PRKCB: variants seen among roughly 807,000 people sequenced by gnomAD.
PRKCB encodes protein kinase C beta type.
A neutral mutation model predicts 81.5 loss-of-function variants in PRKCB; 13 were observed. The observed-to-expected ratio is 0.16, with a 90% CI of 0.10 to 0.25. The LOEUF (loss-of-function observed/expected upper bound fraction) is 0.25, where lower values mean the gene tolerates loss of function less well. Among genes scored for constraint, PRKCB ranks in the 10% least tolerant of loss-of-function variants. PRKCB has a pLI of 1.00. For missense variants in PRKCB, 509 were observed against 875.7 expected, an observed-to-expected ratio of 0.58 and a Z score of 5.29; for synonymous variants, 335 against 321.4, an observed-to-expected ratio of 1.04 and a Z score of -0.45.
intron 5 of PRKCB, among the ~76,000 whole-genome samples, chr16:24,048,900 A>T (rs1441761572): frequency 6.6e-6 from 1 of 151,898 alleles, no homozygotes; most frequent in African/African-American, 2.4e-5. Context: ...TCTCTCCATT[A>T]TATGGTGAGG....
At chr16:23,882,750 CTTTT>C (rs61020074) in intron 2 of PRKCB, among the ~76,000 whole-genome samples, 36 of 105,156 alleles carry the variant, frequency 3.4e-4, no homozygotes, top group African/African-American at 6.2e-4. Context: ...ATACAAATAT[CTTTT>C]TTTTTTTTTT....
intron 16 of PRKCB, among the ~76,000 whole-genome samples, chr16:24,209,376 ACG>A (rs1056798732): frequency 6.6e-6 from 1 of 152,060 alleles, no homozygotes; most frequent in Admixed American, 6.6e-5. Flanking sequence ...CCCCGATGCC[ACG>A]GCCACCAATC....
intron 10 of PRKCB, among the ~76,000 whole-genome samples, chr16:24,159,875 C>T (rs1478809608): frequency 6.6e-6 from 1 of 152,032 alleles, no homozygotes; most frequent in Admixed American, 6.6e-5. Context: ...GTCCCACCTA[C>T]CCAGGAGGCT....
intron 2 of PRKCB, among the ~76,000 whole-genome samples, chr16:23,912,568 A>AGTG (rs1963677996): frequency 8.8e-6 from 1 of 113,050 alleles, no homozygotes; most frequent in African/African-American, 3.5e-5. Flanking sequence ...GCTGGAGTGC[A>AGTG]GTGGCGTGAT....
At chr16:23,974,982 C>G (rs370943116) in intron 2 of PRKCB, among the ~76,000 whole-genome samples, 4 of 152,222 alleles carry the variant, frequency 2.6e-5, no homozygotes, top group Non-Finnish European at 4.4e-5. Context: ...AGGGGAAAGC[C>G]GGGCACCTCG....
intron 2 of PRKCB, among the ~76,000 whole-genome samples, chr16:23,970,520 C>A (rs571435842): frequency 2.2e-4 from 34 of 152,324 alleles, no homozygotes; most frequent in African/African-American, 8.2e-4. Context: ...GTGAAGGCAC[C>A]AAACCCTCAC....
chr16:24,104,639 A>G (rs1239782793), intron 7 of PRKCB, among the ~76,000 whole-genome samples: 2 of 152,216 alleles, frequency 1.3e-5, no homozygotes, highest in African/African-American at 4.8e-5. Flanking sequence ...GGTAACATAG[A>G]GCAAAGATCT....
chr16:24,041,031 C>A (rs1006011684), intron 5 of PRKCB, among the ~76,000 whole-genome samples: 1 of 151,202 alleles, frequency 6.6e-6, no homozygotes, highest in Non-Finnish European at 1.5e-5. Flanking sequence ...GTGAAGCCTG[C>A]GTGTTCATAC....
intron 3 of PRKCB, among the ~76,000 whole-genome samples, chr16:24,012,810 C>A (rs146689466): frequency 2.2e-4 from 33 of 152,348 alleles, no homozygotes; most frequent in African/African-American, 7.9e-4. Flanking sequence ...CGTGCTCTGG[C>A]GTCAGGGTCC....
chr16:24,054,202 C>T (rs1472616963), intron 5 of PRKCB, among the ~76,000 whole-genome samples: 1 of 152,120 alleles, frequency 6.6e-6, no homozygotes, highest in Non-Finnish European at 1.5e-5. Flanking sequence ...GTTTCAAACT[C>T]CTGGCCTCAA....
rs1315832693 is a variant in PRKCB at position 24,219,412 on chromosome 16, G to A, written c.*4596G>A. The A allele has an allele frequency of 2.0e-6, 2 of 985,622 alleles. No homozygotes were observed. Among genetic ancestry groups the A allele is most frequent in the East Asian group, 1.1e-4 (1 of 8,812 alleles). 61.1% of individuals were successfully genotyped at this position (985,622 alleles called of 1,614,324 possible). A position where few individuals can be genotyped will look rare whatever the true frequency, so the allele number is the denominator to read the frequency against. Reference sequence around the variant, plus strand: ...TAGACTGTGGGTGGATTTTCGAGCTGACGGTGGTCAATTCCTTTCATTAAG... The same window carrying A: ...TAGACTGTGGGTGGATTTTCGAGCTAACGGTGGTCAATTCCTTTCATTAAG... On this transcript the variant is annotated 3_prime_UTR_variant, in exon 17 of 17. Coordinates refer to ENST00000643927, the MANE Select transcript of PRKCB (RefSeq NM_002738.7).
In PRKCB at chr16:24,216,649, T is replaced by C; in HGVS notation, c.*1833T>C. On this transcript the variant is annotated 3_prime_UTR_variant, in exon 17 of 17. Coordinates refer to ENST00000643927, the MANE Select transcript of PRKCB (RefSeq NM_002738.7). ...AAGTCTCCTGCAGTTCATCCTTCTC[T>C]GTCCTCTTCTTGCTTCAGGCTTGGG... 1 of 984,692 alleles carries C rather than the reference T, an allele frequency of 1.0e-6. No individual in the cohort carries two copies. Among genetic ancestry groups the C allele is most frequent in the Non-Finnish European group, 1.2e-6 (1 of 829,846 alleles). The allele number at this position is 984,692 out of a possible 1,614,324, so 61.0% of individuals were successfully genotyped here.
intron 7 of PRKCB, among the ~76,000 whole-genome samples, chr16:24,096,460 C>T (rs912741384): frequency 7.3e-5 from 11 of 151,668 alleles, no homozygotes; most frequent in African/African-American, 2.4e-4. Context: ...TCCATGGACA[C>T]TAGAGTGGCT....
At chr16:23,981,855 C>T (rs1461002956) in intron 2 of PRKCB, among the ~76,000 whole-genome samples, 4 of 6,012 alleles carry the variant, frequency 6.7e-4, no homozygotes, top group African/African-American at 1.1e-3. Context: ...TCCCCTTCCC[C>T]TTCCCCTCCC....
intron 3 of PRKCB, among the ~76,000 whole-genome samples, chr16:24,014,408 C>T (rs1424439114): frequency 1.3e-5 from 2 of 152,180 alleles, no homozygotes; most frequent in East Asian, 3.8e-4. Flanking sequence ...ACAACCCGGC[C>T]TGCACAGGAA....
intron 2 of PRKCB, among the ~76,000 whole-genome samples, chr16:23,905,163 G>A (rs1227207750): frequency 6.6e-6 from 1 of 151,800 alleles, no homozygotes; most frequent in Non-Finnish European, 1.5e-5. Flanking sequence ...GAATGTGGCC[G>A]CAGGGCTGCC....
intron 5 of PRKCB, among the ~76,000 whole-genome samples, chr16:24,038,937 A>G (rs1371203245): frequency 1.3e-5 from 2 of 152,078 alleles, no homozygotes; most frequent in African/African-American, 4.8e-5. Flanking sequence ...CCAGATTTGT[A>G]TCTTAAAGCC....
rs541214364 is a variant in PRKCB at position 24,108,754 on chromosome 16, T to G, written c.822-4219T>G. ...TGAAAAGTCTCCCATGTCTACTTCT[T>G]TCTACACAGACACGGCAACCATCCG... On this transcript the variant is annotated intron_variant, in intron 7 of 16. Coordinates refer to ENST00000643927, the MANE Select transcript of PRKCB (RefSeq NM_002738.7). Among the ~76,000 whole-genome samples the G allele has an allele frequency of 5.6e-3, 839 of 150,630 alleles. 1 individual carries two copies. Among genetic ancestry groups the G allele is most frequent in the African/African-American group, 0.019 (789 of 40,622 alleles).
In PRKCB at chr16:24,038,720, G is replaced by C. The variant is rs142702039; in HGVS notation, c.529+3173G>C. On this transcript the variant is annotated intron_variant, in intron 5 of 16. Coordinates refer to ENST00000643927, the MANE Select transcript of PRKCB (RefSeq NM_002738.7). ...CAGTGATTTATTGGGCTGCTCATGG[G>C]AAAAGAGAAGTGAAGGAACCATGCT... 6.0e-4 allele frequency among the ~76,000 whole-genome samples: 91 copies of C among 152,368 alleles called. No homozygotes were observed. The East Asian group carries it at 0.013, about 22-fold the overall frequency.
Sources: gnomAD v4.1 joint callset for allele counts (sites outside exome capture counted in the v4.1 genomes callset) on GRCh38, gnomAD v4.1.1 for gene constraint, MANE v1.5 for transcripts, NCBI Gene and HGNC (gene_info 2026-07-23, HGNC 2026-07-21) for gene names.